The following OTOGL variants were observed in gnomAD, a reference collection of about 807,000 sequenced individuals.
OTOGL encodes the protein otogelin-like protein.
In OTOGL, 285 loss-of-function variants were observed where a neutral mutation model predicts 318.5. The observed-to-expected ratio is 0.89, with a 90% CI of 0.81 to 0.99. OTOGL has a LOEUF of 0.99. Ranked by LOEUF, OTOGL falls within the 50% of genes least tolerant of loss-of-function variation. The pLI, the probability that OTOGL is intolerant of heterozygous loss-of-function variation, is 0.00. For synonymous variants in OTOGL, 987 were observed against 936.5 expected, an observed-to-expected ratio of 1.05 and a Z score of -0.99; for missense variants, 2,899 against 2,845.6, an observed-to-expected ratio of 1.02 and a Z score of -0.43.
intron 43 of OTOGL, among the ~76,000 whole-genome samples, chr12:80,339,771 C>T (rs1471017317): frequency 1.3e-5 from 2 of 151,862 alleles, no homozygotes; most frequent in Non-Finnish European, 2.9e-5. Flanking sequence ...GATATTTGTC[C>T]TAGTTTTATT....
chr12:80,315,651 C>T (rs138787091), intron 32 of OTOGL, among the ~76,000 whole-genome samples: 34 of 152,212 alleles, frequency 2.2e-4, no homozygotes, highest in African/African-American at 7.9e-4. Flanking sequence ...ATCTGAGGCA[C>T]TTCAGGTGGC....
intron 33 of OTOGL, among the ~76,000 whole-genome samples, chr12:80,319,427 T>A (rs1887183724): frequency 6.6e-6 from 1 of 152,196 alleles, no homozygotes; most frequent in Admixed American, 6.6e-5. Flanking sequence ...TCGCTTATTC[T>A]GAGAATGCTC....
At chr12:80,153,633 G>T in intron 1 of OTOGL, among the ~76,000 whole-genome samples, 1 of 152,178 alleles carries the variant, frequency 6.6e-6, no homozygotes, top group Middle Eastern at 3.4e-3. Flanking sequence ...AATATATAAT[G>T]ATATATTTTC....
chr12:80,266,395 A>AG, intron 20 of OTOGL, 56 bp from the exon 21 acceptor site: 1 of 1,572,526 alleles, frequency 6.4e-7, no homozygotes, highest in South Asian at 1.1e-5. Context: ...AAGGAGGCAT[A>AG]AAATGTTTCT....
intron 1 of OTOGL, among the ~76,000 whole-genome samples, chr12:80,193,047 T>G (rs1875807446): frequency 1.3e-5 from 2 of 152,000 alleles, no homozygotes; most frequent in African/African-American, 4.8e-5. Flanking sequence ...TTAGCAAGAT[T>G]TGGAACATTG....
At chr12:80,330,142 G>T (rs1326276498) in intron 37 of OTOGL, among the ~76,000 whole-genome samples, 12 of 152,192 alleles carry the variant, frequency 7.9e-5, no homozygotes, top group African/African-American at 2.9e-4. Flanking sequence ...GCCGAAAGGT[G>T]GAGTGGAAGA....
chr12:80,357,858 A>G (rs1890005320), intron 49 of OTOGL, among the ~76,000 whole-genome samples: 1 of 152,176 alleles, frequency 6.6e-6, no homozygotes. Flanking sequence ...CAAAGGTGGG[A>G]CGGCATGTTG....
Position 80,336,403 on chromosome 12 carries a change from AT to A in OTOGL, c.4601-5del. ...TAATAGACTAAATCCACTTTCCACC[AT>A]TTTTATAGGTCGGTGTTCCATGTTG... is the stretch of plus-strand genomic sequence containing the variant. On this transcript the variant is annotated splice_polypyrimidine_tract_variant and intron_variant, in intron 39 of 58. Transcript: ENST00000547103. The A allele has an allele frequency of 6.3e-7, 1 of 1,577,130 alleles. No homozygotes were observed. The highest frequency in any genetic ancestry group is 8.6e-7 in the Non-Finnish European group (1 of 1,165,312).
At chr12:80,356,760 T>C in intron 48 of OTOGL, 47 bp from the exon 49 acceptor site, 1 of 1,219,730 alleles carries the variant, frequency 8.2e-7, no homozygotes, top group Non-Finnish European at 1.1e-6. Flanking sequence ...CTATGTCATT[T>C]TTTTATTATG....
chr12:80,349,106 T>TA (rs397729505), intron 44 of OTOGL, among the ~76,000 whole-genome samples: 2 of 150,030 alleles, frequency 1.3e-5, no homozygotes, highest in East Asian at 1.9e-4. Context: ...CTTTTTTTTT[T>TA]ATTTTGGACA....
chr12:80,228,961 A>C (rs1419500538), intron 7 of OTOGL, among the ~76,000 whole-genome samples: 1 of 152,206 alleles, frequency 6.6e-6, no homozygotes, highest in African/African-American at 2.4e-5. Flanking sequence ...GAGTTTTACT[A>C]TTAGAACTAA....
At chr12:80,134,310 T>C in intron 1 of OTOGL, among the ~76,000 whole-genome samples, 1 of 152,232 alleles carries the variant, frequency 6.6e-6, no homozygotes, top group East Asian at 1.9e-4. Context: ...CTTTGATGTC[T>C]ATCTTAAAGG....
chr12:80,109,163 A>T (rs911093436), intron 1 of OTOGL, among the ~76,000 whole-genome samples: 7 of 151,832 alleles, frequency 4.6e-5, no homozygotes, highest in Admixed American at 3.3e-4. Flanking sequence ...AAGAAGACTG[A>T]GTATGGAATG....
At chr12:80,353,696 G>T (rs1456627358) in intron 46 of OTOGL, among the ~76,000 whole-genome samples, 186 bp downstream of exon 46, 2 of 152,222 alleles carry the variant, frequency 1.3e-5, no homozygotes, top group Non-Finnish European at 2.9e-5. Flanking sequence ...AAAAGCTTCA[G>T]TGGTAATATG....
At chr12:80,153,822 A>G (rs1872943204) in intron 1 of OTOGL, among the ~76,000 whole-genome samples, 1 of 152,154 alleles carries the variant, frequency 6.6e-6, no homozygotes, top group Non-Finnish European at 1.5e-5. Flanking sequence ...TAGACATTTC[A>G]GATTGGCTTT....
chr12:80,143,734 C>T (rs1592489769), intron 1 of OTOGL, among the ~76,000 whole-genome samples: 1 of 152,220 alleles, frequency 6.6e-6, no homozygotes, highest in South Asian at 2.1e-4. Context: ...GTTAGTTTCT[C>T]ATGATGGCAT....
At chr12:80,365,669 C>G (rs1286422177) in intron 52 of OTOGL, among the ~76,000 whole-genome samples, 2 of 152,034 alleles carry the variant, frequency 1.3e-5, no homozygotes, top group African/African-American at 4.8e-5. Context: ...TGTCTAATGA[C>G]TAAAGTCCTG....
intron 1 of OTOGL, among the ~76,000 whole-genome samples, chr12:80,128,025 C>T (rs1870970283): frequency 6.6e-6 from 1 of 152,186 alleles, no homozygotes; most frequent in African/African-American, 2.4e-5. Flanking sequence ...CGTCTGAAGC[C>T]TTCTTCTATC....
At chr12:80,372,105 G>A (rs764406625) in intron 57 of OTOGL, 41 bp downstream of exon 57, 1 of 1,371,728 alleles carries the variant, frequency 7.3e-7, no homozygotes, top group Non-Finnish European at 9.8e-7. Context: ...TGATAGATTA[G>A]TTTTAATTGC....
Sources: allele counts gnomAD v4.1 joint callset (sites outside exome capture counted in the v4.1 genomes callset), GRCh38; gene constraint gnomAD v4.1.1; transcripts MANE v1.5; gene names NCBI Gene and HGNC (gene_info 2026-07-23, HGNC 2026-07-21).